TBC1D22A: variants seen among roughly 807,000 people sequenced by gnomAD.
TBC1D22A encodes TBC1 domain family member 22A.
Under a neutral mutation model 60.2 loss-of-function variants are expected in TBC1D22A, and 38 were observed. The observed-to-expected ratio is 0.63, with a 90% CI of 0.49 to 0.83. The LOEUF is 0.83. Among genes scored for constraint, TBC1D22A ranks in the 40% least tolerant of loss-of-function variants. TBC1D22A has a pLI of 0.00. For synonymous variants in TBC1D22A, 302 were observed against 281.7 expected (o/e 1.07, Z -0.72); for missense variants, 628 against 701.0 (o/e 0.90, Z 1.18).
At chr22:46,984,366 C>CA (rs136119) in intron 9 of TBC1D22A, among the ~76,000 whole-genome samples, 413 of 27,754 alleles carry the variant, frequency 0.015, 144 homozygotes, top group Non-Finnish European at 0.019. Flanking sequence ...GACTCCATCT[C>CA]AAAAAAAAAA....
intron 11 of TBC1D22A, among the ~76,000 whole-genome samples, chr22:47,094,444 T>C (rs1254402108): frequency 6.6e-6 from 1 of 152,214 alleles, no homozygotes; most frequent in Non-Finnish European, 1.5e-5. Context: ...CAAGAAGGAA[T>C]GCTGCCTGCT....
intron 11 of TBC1D22A, among the ~76,000 whole-genome samples, chr22:47,069,216 G>C (rs1449113263): frequency 1.3e-5 from 2 of 152,268 alleles, no homozygotes; most frequent in Non-Finnish European, 2.9e-5. Flanking sequence ...ATTTCCAAGT[G>C]AGATCTGGCA....
intron 12 of TBC1D22A, among the ~76,000 whole-genome samples, chr22:47,134,380 G>A (rs929932525): frequency 6.6e-6 from 1 of 152,192 alleles, no homozygotes; most frequent in Non-Finnish European, 1.5e-5. Context: ...AAATGACGCC[G>A]GCCTGAGGGT....
At chr22:46,967,257 G>A (rs1046471635) in intron 8 of TBC1D22A, among the ~76,000 whole-genome samples, 3 of 152,194 alleles carry the variant, frequency 2.0e-5, no homozygotes, top group East Asian at 1.9e-4. Flanking sequence ...AGAGTTTGGC[G>A]AATTTATAGT....
At chr22:46,773,496 G>C (rs774641543) in intron 1 of TBC1D22A, among the ~76,000 whole-genome samples, 2 of 152,164 alleles carry the variant, frequency 1.3e-5, no homozygotes. Flanking sequence ...ATGGAGTCTT[G>C]CCCTGTTACC....
At chr22:46,787,445 C>G (rs2084208057) in intron 1 of TBC1D22A, among the ~76,000 whole-genome samples, 1 of 152,210 alleles carries the variant, frequency 6.6e-6, no homozygotes, top group South Asian at 2.1e-4. Flanking sequence ...CAGAGTAGCT[C>G]TGCCTTTACC....
chr22:47,021,539 A>G (rs1363626116), intron 10 of TBC1D22A, among the ~76,000 whole-genome samples: 1 of 122,294 alleles, frequency 8.2e-6, no homozygotes, highest in Non-Finnish European at 1.7e-5. Context: ...CCCACCTGTC[A>G]CCTGGAGTCC....
intron 1 of TBC1D22A, 35 bp downstream of exon 1, chr22:46,762,883 G>C (rs966395228): frequency 6.8e-7 from 1 of 1,470,204 alleles, no homozygotes; most frequent in Non-Finnish European, 9.0e-7. Flanking sequence ...TCGGGGTCAG[G>C]GGTCAGAGGT....
chr22:46,958,669 G>A (rs1254830678), intron 8 of TBC1D22A, among the ~76,000 whole-genome samples: 2 of 152,208 alleles, frequency 1.3e-5, no homozygotes, highest in Admixed American at 1.3e-4. Context: ...CCAGCGTCGG[G>A]ACTTTTCCCC....
At chr22:46,786,016 A>G (rs1365937259) in intron 1 of TBC1D22A, among the ~76,000 whole-genome samples, 1 of 152,200 alleles carries the variant, frequency 6.6e-6, no homozygotes, top group Admixed American at 6.5e-5. Context: ...TCCTGGGCTC[A>G]AGTTATTCTC....
At position 47,005,588 on chromosome 22, in the gene TBC1D22A, TAC is replaced by T. The variant is rs996994778; in HGVS notation, c.1201+7890_1201+7891del. Among the ~76,000 whole-genome samples, 9 of 147,124 alleles carry T rather than the reference TAC, an allele frequency of 6.1e-5. No homozygotes were observed. In the South Asian group the frequency reaches 8.6e-4, roughly 14 times the overall value. On this transcript the variant is annotated intron_variant, in intron 10 of 12. Transcript: ENST00000337137. ...GCATATAAACATACACGCAAACCTA[TAC>T]ACACACACACCTCTGTATACTCACA...
intron 10 of TBC1D22A, among the ~76,000 whole-genome samples, chr22:47,019,856 C>G: frequency 6.6e-6 from 1 of 150,868 alleles, no homozygotes; most frequent in African/African-American, 2.5e-5. Context: ...TCTCTTAACT[C>G]TTCATCCTTC....
At chr22:47,142,557 C>T (rs926641034) in intron 12 of TBC1D22A, among the ~76,000 whole-genome samples, 2 of 126,042 alleles carry the variant, frequency 1.6e-5, no homozygotes, top group African/African-American at 6.4e-5. Flanking sequence ...CACCCACCCA[C>T]CCATCTATCC....
chr22:47,115,353 A>ACC (rs2066000716), intron 12 of TBC1D22A, among the ~76,000 whole-genome samples: 2 of 61,084 alleles, frequency 3.3e-5, no homozygotes, highest in African/African-American at 1.2e-4. Flanking sequence ...GCCCCCCACC[A>ACC]CCCCACCCCC....
At chr22:46,800,356 G>T (rs1233847157) in intron 4 of TBC1D22A, among the ~76,000 whole-genome samples, 1 of 152,150 alleles carries the variant, frequency 6.6e-6, no homozygotes, top group African/African-American at 2.4e-5. Flanking sequence ...ACCAAGACAG[G>T]AGATAAAGGT....
At chr22:46,953,888 G>A (rs2073049039) in intron 8 of TBC1D22A, among the ~76,000 whole-genome samples, 1 of 152,224 alleles carries the variant, frequency 6.6e-6, no homozygotes, top group African/African-American at 2.4e-5. Context: ...GGGAGGCAGG[G>A]AGGGAGGTGG....
At chr22:47,037,375 A>G (rs2062691300) in intron 11 of TBC1D22A, among the ~76,000 whole-genome samples, 177 bp downstream of exon 11, 1 of 152,172 alleles carries the variant, frequency 6.6e-6, no homozygotes, top group African/African-American at 2.4e-5. Context: ...CATGCCTGTA[A>G]TCCTAGCACT....
In TBC1D22A at chr22:46,762,692, T is replaced by C; in HGVS notation, c.-95T>C. ...CTAGGCTCTGGAGTCCCGGGAGCAG[T>C]GAGGGGCCACCCGGGGCACAGGAAA... On this transcript the variant is annotated 5_prime_UTR_variant, in exon 1 of 13. Coordinates refer to ENST00000337137, the MANE Select transcript of TBC1D22A (RefSeq NM_014346.5). The C allele has an allele frequency of 9.0e-7, 1 of 1,107,488 alleles. No individual in the cohort carries two copies. Among genetic ancestry groups the C allele is most frequent in the Non-Finnish European group, 1.2e-6 (1 of 827,638 alleles). The allele number at this position is 1,107,488 out of a possible 1,614,324, so 68.6% of individuals were successfully genotyped here.
chr22:47,024,137 G>A (rs1236928814), intron 10 of TBC1D22A, among the ~76,000 whole-genome samples: 1 of 152,176 alleles, frequency 6.6e-6, no homozygotes, highest in Non-Finnish European at 1.5e-5. Flanking sequence ...CCGGGTAATC[G>A]TATCTGGAGG....
Sources: gnomAD v4.1 joint callset for allele counts (sites outside exome capture counted in the v4.1 genomes callset) on GRCh38, gnomAD v4.1.1 for gene constraint, MANE v1.5 for transcripts, NCBI Gene and HGNC (gene_info 2026-07-23, HGNC 2026-07-21) for gene names.